DIAPH3: variants seen among roughly 807,000 people sequenced by gnomAD.
DIAPH3 encodes protein diaphanous homolog 3.
A neutral mutation model predicts 144.3 loss-of-function variants in DIAPH3; 117 were observed. That is an observed-to-expected ratio of 0.81 (90% CI 0.70 to 0.95). The LOEUF (loss-of-function observed/expected upper bound fraction) is 0.95, where lower values mean the gene tolerates loss of function less well. Among genes scored for constraint, DIAPH3 ranks in the 40% least tolerant of loss-of-function variants. The pLI, the probability that DIAPH3 is intolerant of heterozygous loss-of-function variation, is 0.00. For missense variants in DIAPH3, 1,421 were observed against 1,412.7 expected, an observed-to-expected ratio of 1.01 and a Z score of -0.09; for synonymous variants, 519 against 488.9, an observed-to-expected ratio of 1.06 and a Z score of -0.81.
intron 27 of DIAPH3, among the ~76,000 whole-genome samples, chr13:59,680,756 GTTTA>G (rs2032898116): frequency 6.6e-6 from 1 of 151,848 alleles, no homozygotes; most frequent in Non-Finnish European, 1.5e-5. Flanking sequence ...ATAATAATAT[GTTTA>G]TTAATTAATT....
intron 24 of DIAPH3, among the ~76,000 whole-genome samples, chr13:59,818,906 A>G (rs1476899099): frequency 1.3e-5 from 2 of 151,758 alleles, no homozygotes; most frequent in South Asian, 2.1e-4. Flanking sequence ...GCTCCTTTTT[A>G]GTATTCTCCT....
intron 5 of DIAPH3, among the ~76,000 whole-genome samples, chr13:60,020,403 T>C (rs1176619952): frequency 2.0e-5 from 3 of 152,340 alleles, no homozygotes; most frequent in Admixed American, 2.0e-4. Flanking sequence ...GGTCTTACTC[T>C]GTCGCCCAGG....
At position 59,693,491 on chromosome 13, in the gene DIAPH3, C is replaced by T. The variant is rs143025297; in HGVS notation, c.3320-26645G>A. Among the ~76,000 whole-genome samples the T allele has an allele frequency of 3.7e-3, 564 of 152,126 alleles. 2 individuals are homozygous for T. Among genetic ancestry groups the T allele is most frequent in the Non-Finnish European group, 4.7e-3 (323 of 68,002 alleles). ...AATTAGGAAAATTATCAGTGCAAAT[C>T]CCTCTCTCCTACTTGTAAAGACAAT... is the stretch of plus-strand genomic sequence containing the variant. On this transcript the variant is annotated intron_variant, in intron 27 of 27. Coordinates refer to ENST00000400324, the MANE Select transcript of DIAPH3 (RefSeq NM_001042517.2).
intron 19 of DIAPH3, among the ~76,000 whole-genome samples, chr13:59,913,096 T>C (rs2140243680): frequency 6.6e-6 from 1 of 152,336 alleles, no homozygotes; most frequent in Middle Eastern, 3.4e-3. Flanking sequence ...TTACCCATTC[T>C]AGTTGACAGC....
intron 27 of DIAPH3, among the ~76,000 whole-genome samples, chr13:59,711,490 C>T (rs2034736832): frequency 6.6e-6 from 1 of 152,098 alleles, no homozygotes. Flanking sequence ...TCACCATTAC[C>T]ACACCACCAC....
intron 25 of DIAPH3, among the ~76,000 whole-genome samples, chr13:59,801,595 C>G (rs2039901956): frequency 6.6e-6 from 1 of 152,178 alleles, no homozygotes; most frequent in Admixed American, 6.5e-5. Context: ...AGGCAATGGT[C>G]TCCAAGAATT....
At chr13:59,854,807 A>C (rs2043172677) in intron 22 of DIAPH3, among the ~76,000 whole-genome samples, 1 of 152,164 alleles carries the variant, frequency 6.6e-6, no homozygotes, top group Admixed American at 6.6e-5. Flanking sequence ...CTGGCCCAAA[A>C]TCTGCAAACA....
In DIAPH3 at chr13:59,879,484, A is replaced by G. The variant is rs373802446; in HGVS notation, c.2368-16T>C. 1 of 1,613,286 alleles carries G rather than the reference A, an allele frequency of 6.2e-7. No individual in the cohort carries two copies. The highest frequency in any genetic ancestry group is 1.3e-5 in the African/African-American group (1 of 74,890). On this transcript the variant is annotated splice_polypyrimidine_tract_variant and intron_variant, in intron 20 of 27. Transcript: ENST00000400324. ...CATTGCTCATCTGATTGAAAAGAAAACAGCAGATTTCCTTTAAAATGCATG... is the reference window on the plus strand; with the variant it reads ...CATTGCTCATCTGATTGAAAAGAAAGCAGCAGATTTCCTTTAAAATGCATG...
At chr13:59,878,669 T>C (rs571602060) in intron 21 of DIAPH3, among the ~76,000 whole-genome samples, 1 of 152,156 alleles carries the variant, frequency 6.6e-6, no homozygotes, top group Admixed American at 6.6e-5. Flanking sequence ...AAAAAAAGGC[T>C]CTAAACTTAC....
At chr13:59,925,123 T>C (rs563508969) in intron 17 of DIAPH3, among the ~76,000 whole-genome samples, 10 of 152,176 alleles carry the variant, frequency 6.6e-5, no homozygotes, top group Admixed American at 5.2e-4. Flanking sequence ...ATAAAACTTA[T>C]GTATACTATG....
chr13:60,052,225 T>G (rs2056378573), intron 4 of DIAPH3, among the ~76,000 whole-genome samples: 1 of 151,982 alleles, frequency 6.6e-6, no homozygotes, highest in Non-Finnish European at 1.5e-5. Context: ...GTAAAGTCAA[T>G]GGGTCAGAAT....
chr13:59,860,072 C>T (rs939389432), intron 22 of DIAPH3, among the ~76,000 whole-genome samples: 2 of 152,104 alleles, frequency 1.3e-5, no homozygotes, highest in African/African-American at 2.4e-5. Context: ...TTCAAGGAAA[C>T]ATACATCTCA....
chr13:60,008,449 G>T (rs2053031902), intron 9 of DIAPH3, 95 bp downstream of exon 9: 1 of 767,088 alleles, frequency 1.3e-6, no homozygotes, highest in Non-Finnish European at 2.2e-6. Flanking sequence ...GGCATGCAGA[G>T]CTTCATAACA....
At chr13:59,772,541 A>G (rs416570) in intron 27 of DIAPH3, among the ~76,000 whole-genome samples, 99,931 of 151,788 alleles carry the variant, frequency 0.66, 33,366 homozygotes, top group East Asian at 0.72. Flanking sequence ...CTCATCTGCT[A>G]TATATATAAT....
intron 17 of DIAPH3, among the ~76,000 whole-genome samples, chr13:59,927,116 G>C (rs1473860466): frequency 6.6e-6 from 1 of 151,974 alleles, no homozygotes; most frequent in Non-Finnish European, 1.5e-5. Flanking sequence ...AGTCTGTTTT[G>C]ACTGATACAA....
intron 18 of DIAPH3, among the ~76,000 whole-genome samples, chr13:59,924,176 A>C (rs2047649321): frequency 6.6e-6 from 1 of 152,168 alleles, no homozygotes; most frequent in African/African-American, 2.4e-5. Context: ...AGTTAAGAGC[A>C]AAACTATTTG....
intron 25 of DIAPH3, among the ~76,000 whole-genome samples, chr13:59,805,675 G>C (rs936728148): frequency 6.6e-6 from 1 of 151,508 alleles, no homozygotes; most frequent in Non-Finnish European, 1.5e-5. Context: ...AGACCTTCAG[G>C]TTCATCATTT....
Position 59,778,830 on chromosome 13 carries a change from C to A in DIAPH3, c.3164-4007G>T, listed in dbSNP as rs80039248. 7.0e-3 allele frequency among the ~76,000 whole-genome samples: 1,069 copies of A among 152,302 alleles called. 11 individuals carry two copies. The highest frequency in any genetic ancestry group is 0.024 in the African/African-American group (999 of 41,564). The stretch of plus-strand genomic sequence containing the variant: ...GCCCATGCATTACTGATAAGTAAGT[C>A]CTACAGCAGAAATGATCTTCAGTTC... On this transcript the variant is annotated intron_variant, in intron 25 of 27. Transcript: ENST00000400324.
intron 21 of DIAPH3, among the ~76,000 whole-genome samples, chr13:59,878,819 TG>T: frequency 6.6e-6 from 1 of 152,210 alleles, no homozygotes; most frequent in South Asian, 2.1e-4. Flanking sequence ...AGTCTGCTTA[TG>T]AAAGCAATGC....
Sources: allele counts gnomAD v4.1 joint callset (sites outside exome capture counted in the v4.1 genomes callset), GRCh38; gene constraint gnomAD v4.1.1; transcripts MANE v1.5; gene names NCBI Gene and HGNC (gene_info 2026-07-23, HGNC 2026-07-21).